AOPEP: variants seen among roughly 807,000 people sequenced by gnomAD.
The protein encoded by AOPEP is aminopeptidase O (putative), also known as aminopeptidase O.
Under a neutral mutation model 98.1 loss-of-function variants are expected in AOPEP, and 77 were observed. The observed-to-expected ratio is 0.78, with a 90% CI of 0.65 to 0.95. AOPEP has a LOEUF of 0.95. Ranked by LOEUF, AOPEP falls within the 40% of genes least tolerant of loss-of-function variation. AOPEP has a pLI of 0.00. For missense variants in AOPEP, 1,024 were observed against 1,024.7 expected, an observed-to-expected ratio of 1.00 and a Z score of 0.01; for synonymous variants, 346 against 365.3, an observed-to-expected ratio of 0.95 and a Z score of 0.60.
At chr9:94,840,749 T>C (rs543821785) in intron 5 of AOPEP, among the ~76,000 whole-genome samples, 9 of 152,328 alleles carry the variant, frequency 5.9e-5, no homozygotes, top group Admixed American at 3.9e-4. Context: ...ATGCATTTTT[T>C]TTTTAATCTA....
the AOPEP span, among the ~76,000 whole-genome samples, chr9:95,095,899 A>ACAGG: frequency 2.6e-5 from 4 of 152,218 alleles, no homozygotes; most frequent in Non-Finnish European, 5.9e-5. Context: ...CCATCTGCAA[A>ACAGG]CCACTGAGGA....
At chr9:95,005,257 C>T in intron 12 of AOPEP, 37 bp downstream of exon 12, 1 of 1,052,810 alleles carries the variant, frequency 9.5e-7, no homozygotes, top group Non-Finnish European at 1.2e-6. Flanking sequence ...GCCCCGGTGG[C>T]GCCGGCGCGA....
At chr9:95,089,382 C>T (rs932802890), downstream of AOPEP, among the ~76,000 whole-genome samples, 5 of 152,200 alleles carry the variant, frequency 3.3e-5, no homozygotes, top group South Asian at 4.1e-4. Flanking sequence ...GCTGTCTGCA[C>T]GGGACATAGT....
chr9:94,796,497 C>T (rs1232773588), intron 4 of AOPEP, among the ~76,000 whole-genome samples: 4 of 152,128 alleles, frequency 2.6e-5, no homozygotes, highest in Admixed American at 6.5e-5. Flanking sequence ...ACATCTGGTC[C>T]CTTTTGCCTT....
the AOPEP span, chr9:95,135,293 A>T: frequency 6.4e-7 from 1 of 1,563,380 alleles, no homozygotes. Context: ...AAAAGAAATG[A>T]TTCCAAGCAT....
the AOPEP span, among the ~76,000 whole-genome samples, chr9:95,142,016 G>C: frequency 1.1e-5 from 1 of 88,394 alleles, no homozygotes; most frequent in South Asian, 4.2e-4. Flanking sequence ...TTTTGAGGCA[G>C]AGTTTTGCTC....
rs1263689368 is a variant in AOPEP at position 94,980,205 on chromosome 9, T to C, written c.1977+778T>C. On this transcript the variant is annotated intron_variant, in intron 11 of 16. Coordinates refer to ENST00000375315, the MANE Select transcript of AOPEP (RefSeq NM_001193329.3). The surrounding 1 kb of genome is among the most constrained non-coding windows in gnomAD (Gnocchi z 4.3). ...CAGGCCCCTTCGCCAAATCAAATGCTGGCCATGGCAAGCCTAGGCCCTGGG... is the reference window on the plus strand; with the variant it reads ...CAGGCCCCTTCGCCAAATCAAATGCCGGCCATGGCAAGCCTAGGCCCTGGG... 6.6e-6 allele frequency among the ~76,000 whole-genome samples: 1 copy of C among 152,230 alleles called. No homozygotes were observed. The highest frequency in any genetic ancestry group is 1.5e-5 in the Non-Finnish European group (1 of 68,032).
At chr9:95,076,547 C>A (rs78102987) in intron 14 of AOPEP, among the ~76,000 whole-genome samples, 1 of 152,084 alleles carries the variant, frequency 6.6e-6, no homozygotes, top group African/African-American at 2.4e-5. Flanking sequence ...TCATGGGAAT[C>A]GTAAGTCAAG....
chr9:95,011,460 C>T (rs2062514114), intron 13 of AOPEP, among the ~76,000 whole-genome samples: 1 of 152,094 alleles, frequency 6.6e-6, no homozygotes, highest in Non-Finnish European at 1.5e-5. Context: ...CCTCGGCCTC[C>T]CAAAGTGCTG....
intron 13 of AOPEP, among the ~76,000 whole-genome samples, chr9:95,038,214 T>C (rs1157893888): frequency 1.3e-5 from 2 of 152,132 alleles, no homozygotes; most frequent in East Asian, 1.9e-4. Context: ...AGTGATGATA[T>C]AACTAAACCA....
chr9:94,998,455 G>A (rs2061370961), intron 11 of AOPEP, among the ~76,000 whole-genome samples: 1 of 152,020 alleles, frequency 6.6e-6, no homozygotes. Context: ...CTCTGGTAGG[G>A]GTGCTTCAAT....
intron 11 of AOPEP, among the ~76,000 whole-genome samples, chr9:94,990,918 G>A (rs1228935869): frequency 1.3e-5 from 2 of 152,148 alleles, no homozygotes; most frequent in African/African-American, 2.4e-5. Context: ...ATGAGCCACC[G>A]CGCCTGGCCA....
intron 5 of AOPEP, among the ~76,000 whole-genome samples, chr9:94,820,609 G>A (rs542198159): frequency 6.2e-4 from 94 of 152,234 alleles, no homozygotes; most frequent in African/African-American, 2.2e-3. Context: ...AAACAATGCT[G>A]TGTTGAGCAC....
chr9:94,947,225 C>G (rs1215030289), intron 7 of AOPEP, among the ~76,000 whole-genome samples: 1 of 151,966 alleles, frequency 6.6e-6, no homozygotes, highest in Non-Finnish European at 1.5e-5. Context: ...TCGTGATCCA[C>G]CCGCCTCGGC....
chr9:94,788,213 G>A (rs356135), intron 3 of AOPEP, among the ~76,000 whole-genome samples: 21,418 of 151,924 alleles, frequency 0.14, 1,665 homozygotes, highest in Admixed American at 0.19. Flanking sequence ...TGGGATCACA[G>A]GCAGGCACCA....
At chr9:94,798,658 A>G (rs1847565498) in intron 4 of AOPEP, among the ~76,000 whole-genome samples, 1 of 151,664 alleles carries the variant, frequency 6.6e-6, no homozygotes, top group South Asian at 2.1e-4. Flanking sequence ...ATGCCTGCAC[A>G]CTCCAGTTTC....
Position 95,064,080 on chromosome 9 carries a change from A to T in AOPEP, c.2232+3270A>T, listed in dbSNP as rs924236316. On this transcript the variant is annotated intron_variant, in intron 14 of 16. Transcript: ENST00000375315. ...CTCCACTCTTTCATGTAGAATTGCA[A>T]ACTAAACTAGTAGGAGCAAGTGAAT... is the stretch of plus-strand genomic sequence containing the variant. 3.3e-5 allele frequency among the ~76,000 whole-genome samples: 5 copies of T among 152,328 alleles called. No homozygotes were observed. In the East Asian group the frequency reaches 5.8e-4, roughly 18 times the overall value.
chr9:95,064,382 A>T (rs191893024), intron 14 of AOPEP, among the ~76,000 whole-genome samples: 12 of 152,020 alleles, frequency 7.9e-5, no homozygotes, highest in Non-Finnish European at 1.3e-4. Context: ...GCAACCTCCA[A>T]CTCCCAGGTT....
At chr9:94,912,186 A>C (rs2052147184) in intron 5 of AOPEP, among the ~76,000 whole-genome samples, 1 of 152,208 alleles carries the variant, frequency 6.6e-6, no homozygotes, top group African/African-American at 2.4e-5. Context: ...AGGGAGAGCC[A>C]GGAGTTGACC....
Sources: gnomAD v4.1 joint callset for allele counts (sites outside exome capture counted in the v4.1 genomes callset) on GRCh38, gnomAD v4.1.1 for gene constraint, Gnocchi (gnomAD v3.1) non-coding constraint, MANE v1.5 for transcripts, NCBI Gene and HGNC (gene_info 2026-07-23, HGNC 2026-07-21) for gene names.